SLC9A9: variants seen among roughly 807,000 people sequenced by gnomAD.
SLC9A9 encodes the protein solute carrier family 9 member A9.
A neutral mutation model predicts 77.8 loss-of-function variants in SLC9A9; 62 were observed. That is an observed-to-expected ratio of 0.80 (90% confidence interval 0.65 to 0.98). The LOEUF (loss-of-function observed/expected upper bound fraction) is 0.98. Ranked by LOEUF, SLC9A9 falls within the 50% of genes least tolerant of loss-of-function variation. SLC9A9 has a pLI of 0.00. For synonymous variants in SLC9A9, 320 were observed against 283.5 expected, an observed-to-expected ratio of 1.13 and a Z score of -1.29; for missense variants, 775 against 774.9, an observed-to-expected ratio of 1.00 and a Z score of 0.00.
chr3:143,461,312 A>G (rs1167098308), intron 12 of SLC9A9, among the ~76,000 whole-genome samples: 1 of 152,182 alleles, frequency 6.6e-6, no homozygotes, highest in Non-Finnish European at 1.5e-5. Context: ...TCTAATTACT[A>G]TGGAAAATGG....
At position 143,767,376 on chromosome 3, in the gene SLC9A9, A is replaced by ATGTGTGTGTGTGTG. The variant is rs142594079; in HGVS notation, c.533+27611_533+27624dup. Reference sequence around the variant, plus strand: ...TTTGTGAAACAGTAAGTGTCTGTGTATGTGTGTGTGTGTGTGTGTGTGTGT... The same window carrying ATGTGTGTGTGTGTG: ...TTTGTGAAACAGTAAGTGTCTGTGTATGTGTGTGTGTGTGTGTGTGTGTGTGTGTGTGTGTGTGT... On this transcript the variant is annotated intron_variant, in intron 4 of 15. Coordinates refer to ENST00000316549, the MANE Select transcript of SLC9A9 (RefSeq NM_173653.4). 4.1e-3 allele frequency among the ~76,000 whole-genome samples: 577 copies of ATGTGTGTGTGTGTG among 141,366 alleles called. 4 individuals are homozygous for ATGTGTGTGTGTGTG. The highest frequency in any genetic ancestry group is 0.014 in the African/African-American group (534 of 38,760). The allele number at this position is 141,366 out of a possible 152,430, so 92.7% of individuals were successfully genotyped here.
At position 143,423,206 on chromosome 3, in the gene SLC9A9, CA is replaced by C. The variant is rs1559909408; in HGVS notation, c.1470-41093del. Among the ~76,000 whole-genome samples the C allele has an allele frequency of 3.0e-4, 31 of 104,800 alleles. No individual in the cohort carries two copies. In the East Asian group the frequency reaches 6.4e-3, roughly 21 times the overall value. 68.8% of individuals were successfully genotyped at this position (104,800 alleles called of 152,430 possible). A position where few individuals can be genotyped will look rare whatever the true frequency, so the allele number is the denominator to read the frequency against. On this transcript the variant is annotated intron_variant, in intron 12 of 15. Transcript: ENST00000316549. ...ATATATGTAAATCTCTACTTACCCT[CA>C]CACACACGTACACACACACACACGT...
chr3:143,834,270 A>G (rs545441721), intron 1 of SLC9A9, among the ~76,000 whole-genome samples: 53 of 152,328 alleles, frequency 3.5e-4, no homozygotes, highest in Non-Finnish European at 4.4e-4. Context: ...ACAGCACAGT[A>G]GGCAACCTTC....
chr3:143,563,337 C>T (rs1182838104), intron 8 of SLC9A9, among the ~76,000 whole-genome samples: 1 of 152,142 alleles, frequency 6.6e-6, no homozygotes, highest in Non-Finnish European at 1.5e-5. Flanking sequence ...TCTGGACCCC[C>T]TCAGAAAGCA....
chr3:143,826,788 C>T (rs1029339769), intron 2 of SLC9A9, among the ~76,000 whole-genome samples: 3 of 152,140 alleles, frequency 2.0e-5, no homozygotes, highest in Admixed American at 1.3e-4. Flanking sequence ...CTCTGTCCCC[C>T]CAACACCACA....
At chr3:143,458,889 T>C (rs1044179639) in intron 12 of SLC9A9, among the ~76,000 whole-genome samples, 7 of 152,186 alleles carry the variant, frequency 4.6e-5, no homozygotes, top group African/African-American at 1.7e-4. Context: ...TTTCCTTCCA[T>C]ATGAATACAT....
chr3:143,781,651 T>C (rs973981244), intron 4 of SLC9A9, among the ~76,000 whole-genome samples: 1 of 152,210 alleles, frequency 6.6e-6, no homozygotes. Flanking sequence ...AGGAAACACA[T>C]GCAACCCCAG....
intron 6 of SLC9A9, among the ~76,000 whole-genome samples, chr3:143,618,100 C>T (rs907340350): frequency 6.6e-6 from 1 of 152,178 alleles, no homozygotes; most frequent in Admixed American, 6.5e-5. Flanking sequence ...GCCAAGAACA[C>T]AGCTGAGACT....
chr3:143,503,080 G>A (rs1242183236), intron 9 of SLC9A9, among the ~76,000 whole-genome samples: 1 of 152,210 alleles, frequency 6.6e-6, no homozygotes, highest in Non-Finnish European at 1.5e-5. Flanking sequence ...TTTGGGCTGA[G>A]TACGGGGACT....
chr3:143,589,418 C>T (rs554384864), intron 6 of SLC9A9, among the ~76,000 whole-genome samples: 7 of 152,164 alleles, frequency 4.6e-5, no homozygotes, highest in African/African-American at 1.2e-4. Context: ...AACAGTGGTC[C>T]GGTAAGATTA....
At chr3:143,587,568 C>T (rs2037564565) in intron 6 of SLC9A9, among the ~76,000 whole-genome samples, 1 of 146,664 alleles carries the variant, frequency 6.8e-6, no homozygotes, top group Admixed American at 6.8e-5. Flanking sequence ...GGGAGTCAGG[C>T]TGGAGTCAGG....
At chr3:143,525,594 T>G (rs770887272) in intron 9 of SLC9A9, among the ~76,000 whole-genome samples, 5 of 152,192 alleles carry the variant, frequency 3.3e-5, no homozygotes, top group Admixed American at 6.6e-5. Flanking sequence ...ACTCTGGAAA[T>G]AGCATTCAAA....
At chr3:143,282,580 AATTCTAGAGAAGCCTCTCAGAGC>A in intron 14 of SLC9A9, among the ~76,000 whole-genome samples, 1 of 152,290 alleles carries the variant, frequency 6.6e-6, no homozygotes, top group East Asian at 1.9e-4. Flanking sequence ...TCTTGAGTGG[AATTCTAGAGAAGCCTCTCAGAGC>A]ATCAATTCTG....
Position 143,408,549 on chromosome 3 carries a change from C to A in SLC9A9, c.1470-26435G>T, listed in dbSNP as rs542064943. On this transcript the variant is annotated intron_variant, in intron 12 of 15. Coordinates refer to ENST00000316549, the MANE Select transcript of SLC9A9 (RefSeq NM_173653.4). The stretch of plus-strand genomic sequence containing the variant: ...TGGCAGCCAATTATTCAAGAAATAA[C>A]CTCAGGTGAAACCGCCTCGAGCAGG... 7.2e-5 allele frequency among the ~76,000 whole-genome samples: 11 copies of A among 152,322 alleles called. No individual in the cohort carries two copies. The East Asian group carries it at 1.9e-3, about 27-fold the overall frequency.
intron 2 of SLC9A9, among the ~76,000 whole-genome samples, chr3:143,818,233 T>A (rs1479706069): frequency 6.6e-6 from 1 of 152,188 alleles, no homozygotes; most frequent in African/African-American, 2.4e-5. Flanking sequence ...AAATTATCTT[T>A]TAAAGATCAA....
chr3:143,822,018 G>C lies in SLC9A9; in HGVS notation c.378+10001C>G, dbSNP rs545719898. On this transcript the variant is annotated intron_variant, in intron 2 of 15. Coordinates refer to ENST00000316549, the MANE Select transcript of SLC9A9 (RefSeq NM_173653.4). ...CCCTTTAGGGATTGCCAAGACTGCAGAGAAGCACCTCACCCAACGTCATGC... is the reference window on the plus strand; with the variant it reads ...CCCTTTAGGGATTGCCAAGACTGCACAGAAGCACCTCACCCAACGTCATGC... 7.5e-4 allele frequency among the ~76,000 whole-genome samples: 114 copies of C among 152,328 alleles called. 2 individuals carry two copies. The highest frequency in any genetic ancestry group is 2.6e-3 in the Admixed American group (40 of 15,298).
At chr3:143,297,396 G>T (rs776134586) in intron 14 of SLC9A9, among the ~76,000 whole-genome samples, 1 of 152,158 alleles carries the variant, frequency 6.6e-6, no homozygotes, top group Non-Finnish European at 1.5e-5. Flanking sequence ...CCATTTGTTT[G>T]TCTATTTTTA....
intron 12 of SLC9A9, among the ~76,000 whole-genome samples, chr3:143,462,806 T>C (rs2035217221): frequency 6.6e-6 from 1 of 152,190 alleles, no homozygotes; most frequent in Non-Finnish European, 1.5e-5. Flanking sequence ...TCAGGGTAGA[T>C]TGCAGGCATT....
chr3:143,436,196 A>G (rs915087069), intron 12 of SLC9A9, among the ~76,000 whole-genome samples: 16 of 152,158 alleles, frequency 1.1e-4, no homozygotes, highest in Admixed American at 7.9e-4. Context: ...AACCTCCACG[A>G]GACTTCCACA....
Sources: gnomAD v4.1 joint callset for allele counts (sites outside exome capture counted in the v4.1 genomes callset) on GRCh38, gnomAD v4.1.1 for gene constraint, MANE v1.5 for transcripts, NCBI Gene and HGNC (gene_info 2026-07-23, HGNC 2026-07-21) for gene names.